Variants in LAMA2 observed in about 807,000 individuals in gnomAD.
LAMA2 encodes laminin subunit alpha-2.
In LAMA2, 269 loss-of-function variants were observed where a neutral mutation model predicts 364.8. That is an observed-to-expected ratio of 0.74 (90% CI 0.67 to 0.82). LAMA2 has a LOEUF of 0.82. Among genes scored for constraint, LAMA2 ranks in the 40% least tolerant of loss-of-function variants. LAMA2 has a pLI of 0.00. For missense variants in LAMA2, 3,807 were observed against 3,873.2 expected (o/e 0.98, Z 0.45); for synonymous variants, 1,379 against 1,370.6 (o/e 1.01, Z -0.14).
chr6:128,935,221 A>AC lies in LAMA2; in HGVS notation c.112+51872dup, dbSNP rs1238160356. On this transcript the variant is annotated intron_variant, in intron 1 of 64. Transcript: ENST00000421865. ...AATGCTATCCCTCCCCCAGCCCCAC[A>AC]CCCCCCCCAACAGACCCCAATGTGT... Among the ~76,000 whole-genome samples the AC allele has an allele frequency of 4.7e-3, 334 of 71,098 alleles. 4 individuals are homozygous for AC. Among genetic ancestry groups the AC allele is most frequent in the Non-Finnish European group, 6.7e-3 (236 of 35,418 alleles). 46.6% of individuals were successfully genotyped at this position (71,098 alleles called of 152,430 possible). A position where few individuals can be genotyped will look rare whatever the true frequency, so the allele number is the denominator to read the frequency against.
intron 1 of LAMA2, among the ~76,000 whole-genome samples, chr6:128,970,233 A>T (rs906802807): frequency 6.6e-6 from 1 of 152,192 alleles, no homozygotes; most frequent in African/African-American, 2.4e-5. Flanking sequence ...TTTAATCAAT[A>T]ATTCCTGAAA....
chr6:128,933,663 C>T (rs1054207506), intron 1 of LAMA2, among the ~76,000 whole-genome samples: 1 of 152,132 alleles, frequency 6.6e-6, no homozygotes, highest in Non-Finnish European at 1.5e-5. Context: ...TTGTATTTCC[C>T]TGATGATTAA....
At chr6:129,047,742 T>C (rs1388012700) in intron 1 of LAMA2, among the ~76,000 whole-genome samples, 1 of 152,206 alleles carries the variant, frequency 6.6e-6, no homozygotes, top group East Asian at 1.9e-4. Context: ...ATTTTTACTG[T>C]ACTATTATCT....
intron 34 of LAMA2, among the ~76,000 whole-genome samples, chr6:129,379,801 T>TA (rs1562509598): frequency 6.6e-6 from 1 of 152,170 alleles, no homozygotes. Context: ...TCTGAGCTTC[T>TA]AAAAAATGCC....
chr6:129,117,532 G>A (rs1392048460), intron 4 of LAMA2, among the ~76,000 whole-genome samples: 4 of 152,164 alleles, frequency 2.6e-5, no homozygotes, highest in Admixed American at 6.5e-5. Context: ...TTAAGCATCC[G>A]TATTTGTTGC....
At chr6:128,900,110 G>A (rs537158067) in intron 1 of LAMA2, among the ~76,000 whole-genome samples, 1 of 152,152 alleles carries the variant, frequency 6.6e-6, no homozygotes, top group African/African-American at 2.4e-5. Context: ...ATGCATGTGC[G>A]TGAATGTCCT....
intron 3 of LAMA2, among the ~76,000 whole-genome samples, chr6:129,093,877 TTC>T (rs1367704236): frequency 6.6e-6 from 1 of 152,228 alleles, no homozygotes. Flanking sequence ...TCATGAGATG[TTC>T]TCTTAGGTTC....
intron 12 of LAMA2, among the ~76,000 whole-genome samples, chr6:129,208,511 CAGAAAGAGAAAA>C (rs2115065934): frequency 7.6e-6 from 1 of 132,042 alleles, no homozygotes; most frequent in Admixed American, 8.2e-5. Flanking sequence ...TAGAGAGAGG[CAGAAAGAGAAAA>C]AGAAAGAAAG....
chr6:129,192,770 A>ATCAG lies in LAMA2; in HGVS notation c.1700_1703dup (p.Ile569GlnfsTer4), dbSNP rs763480874. The ATCAG allele has an allele frequency of 3.7e-6, 6 of 1,614,210 alleles. No homozygotes were observed. Among genetic ancestry groups the ATCAG allele is most frequent in the Non-Finnish European group, 5.1e-6 (6 of 1,180,022 alleles). On this transcript the variant is annotated frameshift_variant, in exon 12 of 65. Transcript: ENST00000421865. LOFTEE classifies it high-confidence loss of function. ...GGACGACTTGGACTCACCTCAGCAG[A>ATCAG]TCAGCATCAGTAACGCGGAGGCCCG...
chr6:129,163,159 G>C (rs368337034), intron 8 of LAMA2, among the ~76,000 whole-genome samples: 3 of 151,726 alleles, frequency 2.0e-5, no homozygotes, highest in Non-Finnish European at 4.4e-5. Flanking sequence ...TTTTTGACCA[G>C]TGTTTTTCCT....
At chr6:129,143,847 C>A in intron 4 of LAMA2, 54 bp from the exon 5 acceptor site, 1 of 1,284,760 alleles carries the variant, frequency 7.8e-7, no homozygotes, top group Non-Finnish European at 1.1e-6. Context: ...GAAACAAAAT[C>A]AATATTTAAA....
chr6:128,966,173 A>G (rs190167776), intron 1 of LAMA2, among the ~76,000 whole-genome samples: 2 of 152,062 alleles, frequency 1.3e-5, no homozygotes, highest in African/African-American at 2.4e-5. Context: ...TTGAATAGGT[A>G]GGACTTCACA....
rs1309745631 is a variant in LAMA2 at position 129,403,967 on chromosome 6, AC to A, written c.5865+9del. ...CATGAAGCTACAAAACTGGTAAGAAACAAATGGCACATGTGCTGGGAATGGA... is the reference window on the plus strand; with the variant it reads ...CATGAAGCTACAAAACTGGTAAGAAAAAATGGCACATGTGCTGGGAATGGA... On this transcript the variant is annotated intron_variant, in intron 40 of 64. Transcript: ENST00000421865. 2.5e-6 allele frequency: 4 copies of A among 1,613,832 alleles called. No homozygotes were observed. Among genetic ancestry groups the A allele is most frequent in the Non-Finnish European group, 3.4e-6 (4 of 1,179,814 alleles).
chr6:128,928,550 C>T (rs1018145048), intron 1 of LAMA2, among the ~76,000 whole-genome samples: 2 of 152,264 alleles, frequency 1.3e-5, no homozygotes, highest in Middle Eastern at 3.4e-3. Context: ...CCCATAAAGC[C>T]GTTCAAGGAG....
Position 129,507,505 on chromosome 6 carries a change from A to T in LAMA2, c.8720A>T (p.Asp2907Val). Residue 2907 changes from aspartate (D) to valine (V), a missense_variant, in exon 62 of 65, where the codon GAT (aspartate) becomes GTT (valine). Asp to Val is a radical substitution (Grantham distance 152). Around this residue, in one of 3 missense-constraint regions of LAMA2, gnomAD observed 3,333 missense variants for 3,345.7 expected, o/e 1.00. Transcript: ENST00000421865. ...RRIGPVTYSI[D>V]GCVRNLHMAE... ...AATGTTTAGGTGACCTATAGCATTG[A>T]TGGCTGCGTCAGGAATCTCCACATG... The T allele has an allele frequency of 1.2e-6, 2 of 1,614,192 alleles. No homozygotes were observed. Among genetic ancestry groups the T allele is most frequent in the Non-Finnish European group, 1.7e-6 (2 of 1,180,004 alleles).
At chr6:129,232,156 A>G (rs1176180376) in intron 12 of LAMA2, among the ~76,000 whole-genome samples, 1 of 152,160 alleles carries the variant, frequency 6.6e-6, no homozygotes, top group Non-Finnish European at 1.5e-5. Context: ...CAGCATATGT[A>G]CAATATGGTC....
intron 1 of LAMA2, among the ~76,000 whole-genome samples, chr6:129,048,485 TTTCTTTCTTTCCTTCCTTCCTTCC>T (rs1186986715): frequency 1.3e-3 from 113 of 87,014 alleles, no homozygotes; most frequent in Admixed American, 5.9e-3. Context: ...TCTTTCTTTC[TTTCTTTCTTTCCTTCCTTCCTTCC>T]TTCCTTCCTT....
chr6:129,437,179 G>A (rs539724225), intron 41 of LAMA2, among the ~76,000 whole-genome samples: 1 of 152,040 alleles, frequency 6.6e-6, no homozygotes, highest in Non-Finnish European at 1.5e-5. Flanking sequence ...ATTGTTTATG[G>A]AATGGGACTA....
chr6:129,458,444 A>G (rs947175481), intron 48 of LAMA2, among the ~76,000 whole-genome samples: 6 of 152,074 alleles, frequency 3.9e-5, no homozygotes, highest in African/African-American at 1.4e-4. Flanking sequence ...CTACTGCCAC[A>G]CCAGAATATG....
Sources: allele counts gnomAD v4.1 joint callset (sites outside exome capture counted in the v4.1 genomes callset), GRCh38; gene constraint gnomAD v4.1.1; regional missense constraint gnomAD v4.1.1; transcripts MANE v1.5; gene names NCBI Gene and HGNC (gene_info 2026-07-23, HGNC 2026-07-21).